TUBB8: variants seen among roughly 807,000 people sequenced by gnomAD.
TUBB8 encodes the protein tubulin beta 8 class VIII.
A neutral mutation model predicts 33.7 loss-of-function variants in TUBB8; 25 were observed. The ratio of observed to expected loss-of-function variants is 0.74; its 90% CI spans 0.54 to 1.04. The LOEUF is 1.04. Ranked by LOEUF, TUBB8 falls within the 50% of genes least tolerant of loss-of-function variation. TUBB8 has a pLI of 0.00. For synonymous variants in TUBB8, 245 were observed against 240.1 expected, an observed-to-expected ratio of 1.02 and a Z score of -0.19; for missense variants, 279 against 608.0, an observed-to-expected ratio of 0.46 and a Z score of 5.69.
chr10:73,912 A>G (rs1358777665), intron 1 of TUBB8: 10 of 153,200 alleles, frequency 6.5e-5, no homozygotes, highest in African/African-American at 2.4e-4. Context: ...CCGACGGGAA[A>G]CGCGGCCGCG....
At chr10:50,300 G>A (rs531717848), upstream of TUBB8, 12 of 152,294 alleles carry the variant, frequency 7.9e-5, no homozygotes, top group East Asian at 1.3e-3. Context: ...TCATGAAAGT[G>A]CTGAGTTATA....
At position 47,336 on chromosome 10, in the gene TUBB8, G is replaced by T. The variant is rs782743686; in HGVS notation, c.1056C>A (p.Ala352=). The T allele has an allele frequency of 3.7e-6, 6 of 1,613,424 alleles. No individual in the cohort carries two copies. In the Admixed American group the frequency reaches 8.3e-5, roughly 22 times the overall value. ...ADWLPNNVKT[A]VCDIPPRGLK... is the part of the protein sequence containing the mutation. ...GCCCCCGGGGTGGGATGTCACAGAC[G>T]GCTGTTTTTACGTTGTTGGGGAGCC... The change falls in exon 4 of 4, where the codon GCC becomes GCA. Residue 352 remains alanine, a synonymous_variant. Transcript: ENST00000568584.
At chr10:62,500 T>C (rs752997050) in intron 1 of TUBB8, among the ~76,000 whole-genome samples, 3 of 152,258 alleles carry the variant, frequency 2.0e-5, no homozygotes, top group Non-Finnish European at 4.4e-5. Context: ...TGGTTTATTG[T>C]TTACTCTTTC....
At chr10:60,084 T>C (rs1256004187) in intron 1 of TUBB8, among the ~76,000 whole-genome samples, 1 of 152,232 alleles carries the variant, frequency 6.6e-6, no homozygotes, top group Non-Finnish European at 1.5e-5. Flanking sequence ...GTTTCATTGA[T>C]CTTTTGCACT....
At chr10:72,553 ATGTC>A (rs2130953766) in intron 1 of TUBB8, among the ~76,000 whole-genome samples, 1 of 152,178 alleles carries the variant, frequency 6.6e-6, no homozygotes, top group Admixed American at 6.5e-5. Flanking sequence ...GTGAGACTCC[ATGTC>A]AAAAAAAGAA....
intron 1 of TUBB8, among the ~76,000 whole-genome samples, chr10:69,612 CTAAT>C (rs1834711363): frequency 6.6e-6 from 1 of 152,102 alleles, no homozygotes; most frequent in South Asian, 2.1e-4. Context: ...AATGGCGTAA[CTAAT>C]TACTGAAATT....
upstream of TUBB8, among the ~76,000 whole-genome samples, chr10:53,594 T>C (rs1834494468): frequency 6.6e-6 from 1 of 152,336 alleles, no homozygotes; most frequent in African/African-American, 2.4e-5. Flanking sequence ...CCATACCTCT[T>C]AGTTTCAAGA....
chr10:70,584 A>T (rs2130951896), intron 1 of TUBB8, among the ~76,000 whole-genome samples: 1 of 152,346 alleles, frequency 6.6e-6, no homozygotes, highest in East Asian at 1.9e-4. Flanking sequence ...TCATGCCTGT[A>T]ATCACAGTAC....
chr10:47,829 G>A lies in TUBB8; in HGVS notation c.563C>T (p.Ser188Leu). ...TGCGTTTTCTATGAGCTGGTGGACT[G>A]AGAGGGTGGCGTTGTAGGGCTCCAC... ...TVVEPYNATL[S>L]VHQLIENADE... The change falls in exon 4 of 4, where the codon TCA (serine) becomes TTA (leucine). Residue 188 changes from serine to leucine, a missense_variant. Ser to Leu is a moderately radical substitution (Grantham distance 145). This residue lies in a region of TUBB8 where 96 missense variants were observed against 233.7 expected (regional missense o/e 0.41). Coordinates refer to ENST00000568584, the MANE Select transcript of TUBB8 (RefSeq NM_177987.3). The A allele has an allele frequency of 1.9e-6, 3 of 1,614,238 alleles. No homozygotes were observed. Among genetic ancestry groups the A allele is most frequent in the Non-Finnish European group, 2.5e-6 (3 of 1,180,044 alleles).
Position 47,012 on chromosome 10 carries a change from A to G in TUBB8, c.*45T>C, listed in dbSNP as rs781822121. The stretch of plus-strand genomic sequence containing the variant: ...TGACACATGGCTGTCAGAACACAGT[A>G]AAGAATCCACACTGCTTCCCCCCTT... On this transcript the variant is annotated 3_prime_UTR_variant, in exon 4 of 4. Transcript: ENST00000568584. 23 of 670,966 alleles carry G rather than the reference A, an allele frequency of 3.4e-5. No individual in the cohort carries two copies. Among genetic ancestry groups the G allele is most frequent in the East Asian group, 1.1e-4 (4 of 37,494 alleles). The allele number at this position is 670,966 out of a possible 1,614,324, so 41.6% of individuals were successfully genotyped here.
chr10:76,305 C>G (rs1834813779), upstream of TUBB8, among the ~76,000 whole-genome samples: 1 of 152,110 alleles, frequency 6.6e-6, no homozygotes, highest in South Asian at 2.1e-4. Flanking sequence ...GAAACAAAAT[C>G]GCATCGGTAA....
intron 1 of TUBB8, among the ~76,000 whole-genome samples, chr10:56,640 AATGG>A (rs1554740187): frequency 1.3e-5 from 2 of 152,152 alleles, no homozygotes; most frequent in Non-Finnish European, 2.9e-5. Flanking sequence ...CTATTGTGAG[AATGG>A]CTCCAAAGGA....
upstream of TUBB8, among the ~76,000 whole-genome samples, chr10:51,234 G>A (rs1197217578): frequency 6.6e-6 from 1 of 152,088 alleles, no homozygotes; most frequent in African/African-American, 2.4e-5. Context: ...TCAGCCTCCC[G>A]AGTGGCTGGG....
upstream of TUBB8, chr10:49,670 C>G: frequency 2.3e-6 from 1 of 441,810 alleles, no homozygotes. Context: ...ATTAGGAGAT[C>G]TGTGGTTAGG....
intron 1 of TUBB8, among the ~76,000 whole-genome samples, chr10:73,140 C>T (rs1381486655): frequency 6.6e-6 from 1 of 152,236 alleles, no homozygotes; most frequent in Non-Finnish European, 1.5e-5. Flanking sequence ...CAGACTTTCT[C>T]AACAAAAGAA....
intron 1 of TUBB8, among the ~76,000 whole-genome samples, chr10:56,836 A>T (rs1834537655): frequency 6.6e-6 from 1 of 152,176 alleles, no homozygotes; most frequent in Admixed American, 6.5e-5. Flanking sequence ...TTCAAAATAC[A>T]ATCATGACAT....
In TUBB8 at chr10:49,226, C is replaced by A. The variant is rs1299875180; in HGVS notation, c.13G>T (p.Val5Leu). ...CCGCACTGCCCGATCTGCGTGAGCA[C>A]GATCTCCCTCATGGCCAAGGCGGGA... is the stretch of plus-strand genomic sequence containing the variant. MREI[V>L]LTQIGQCGNQ... The change falls in exon 1 of 4, where the codon GTG (valine) becomes TTG (leucine). Residue 5 changes from valine (V) to leucine (L), a missense_variant. Coordinates refer to ENST00000568584, the MANE Select transcript of TUBB8 (RefSeq NM_177987.3). 3 of 1,585,126 alleles carry A rather than the reference C, an allele frequency of 1.9e-6. No individual in the cohort carries two copies. The highest frequency in any genetic ancestry group is 1.8e-5 in the Admixed American group (1 of 56,522).
intron 1 of TUBB8, among the ~76,000 whole-genome samples, chr10:62,257 T>C (rs1168881578): frequency 2.6e-5 from 4 of 152,372 alleles, no homozygotes; most frequent in Middle Eastern, 3.4e-3. Flanking sequence ...TGTACATCTG[T>C]GGTATGCTTT....
chr10:61,216 A>G (rs1413007617), intron 1 of TUBB8, among the ~76,000 whole-genome samples: 1 of 152,226 alleles, frequency 6.6e-6, no homozygotes, highest in African/African-American at 2.4e-5. Context: ...CCTAAAACTT[A>G]AAGTATAATA....
Sources: allele counts gnomAD v4.1 joint callset (sites outside exome capture counted in the v4.1 genomes callset), GRCh38; gene constraint gnomAD v4.1.1; regional missense constraint gnomAD v4.1.1; transcripts MANE v1.5; gene names NCBI Gene and HGNC (gene_info 2026-07-23, HGNC 2026-07-21).